GRK3: variants seen among roughly 807,000 people sequenced by gnomAD.
GRK3 encodes the protein adrenergic, beta, receptor kinase 2.
GRK3 carries 54 observed loss-of-function variants against 95.7 expected under a neutral mutation model. The ratio of observed to expected loss-of-function variants is 0.56; its 90% CI spans 0.45 to 0.71. The LOEUF (loss-of-function observed/expected upper bound fraction) is 0.71. Among genes scored for constraint, GRK3 ranks in the 30% least tolerant of loss-of-function variants. The pLI, the probability that GRK3 is intolerant of heterozygous loss-of-function variation, is 0.00. For missense variants in GRK3, 649 were observed against 851.2 expected, an observed-to-expected ratio of 0.76 and a Z score of 2.96; for synonymous variants, 281 against 290.8, an observed-to-expected ratio of 0.97 and a Z score of 0.34.
rs1055168443 is a variant in GRK3 at position 25,727,223 on chromosome 22, T to G, written c.*4773T>G. ...CTAAAGATTTAACATGATTTTTCCC[T>G]CCTATGTAAAGTTTACTGGAGAGAC... On this transcript the variant is annotated 3_prime_UTR_variant, in exon 21 of 21. Coordinates refer to ENST00000324198, the MANE Select transcript of GRK3 (RefSeq NM_005160.4). The G allele has an allele frequency of 1.3e-5, 2 of 152,186 alleles. No homozygotes were observed. Among genetic ancestry groups the G allele is most frequent in the African/African-American group, 4.8e-5 (2 of 41,442 alleles). 9.4% of individuals were successfully genotyped at this position (152,186 alleles called of 1,614,324 possible).
intron 3 of GRK3, among the ~76,000 whole-genome samples, chr22:25,659,838 G>A (rs1359377828): frequency 6.6e-6 from 1 of 152,160 alleles, no homozygotes; most frequent in Non-Finnish European, 1.5e-5. Context: ...ACAGTGTTGT[G>A]GTTCAGAGCA....
chr22:25,586,484 T>G (rs1050155900), intron 1 of GRK3, among the ~76,000 whole-genome samples: 3 of 152,290 alleles, frequency 2.0e-5, no homozygotes, highest in African/African-American at 7.2e-5. Context: ...CCCGTAAATA[T>G]ATCTACCTAC....
At chr22:25,579,277 G>A (rs944537829) in intron 1 of GRK3, among the ~76,000 whole-genome samples, 2 of 150,880 alleles carry the variant, frequency 1.3e-5, no homozygotes, top group African/African-American at 4.9e-5. Context: ...CTCCCACATA[G>A]CTGGGACTAA....
chr22:25,642,744 C>T (rs754968650), intron 2 of GRK3, among the ~76,000 whole-genome samples: 16 of 152,188 alleles, frequency 1.1e-4, no homozygotes, highest in Non-Finnish European at 2.1e-4. Context: ...TGACTGACTT[C>T]ACTTAGGATA....
intron 4 of GRK3, among the ~76,000 whole-genome samples, chr22:25,662,059 C>A (rs2084912973): frequency 6.6e-6 from 1 of 152,170 alleles, no homozygotes; most frequent in African/African-American, 2.4e-5. Flanking sequence ...TAAATGGTCT[C>A]TTTGAATGAA....
chr22:25,687,988 G>A (rs921306492), intron 11 of GRK3, among the ~76,000 whole-genome samples: 7 of 152,150 alleles, frequency 4.6e-5, no homozygotes, highest in Non-Finnish European at 8.8e-5. Context: ...TGTAATCCCA[G>A]CACTTTGGGA....
At chr22:25,663,419 A>G (rs1178908816) in intron 4 of GRK3, among the ~76,000 whole-genome samples, 2 of 152,208 alleles carry the variant, frequency 1.3e-5, no homozygotes, top group African/African-American at 4.8e-5. Context: ...TCTTCTGGGC[A>G]TGTATCTAAG....
intron 10 of GRK3, among the ~76,000 whole-genome samples, chr22:25,686,093 G>A (rs1319238715): frequency 1.3e-4 from 19 of 151,586 alleles, no homozygotes; most frequent in Middle Eastern, 6.8e-3. Flanking sequence ...GTGGTGGTGG[G>A]CGCCTATAGT....
rs2084942072 is a variant in GRK3 at position 25,666,446 on chromosome 22, T to A, written c.442-1293T>A. 2.6e-5 allele frequency among the ~76,000 whole-genome samples: 4 copies of A among 152,208 alleles called. No homozygotes were observed. The South Asian group carries it at 8.3e-4, about 31-fold the overall frequency. ...CAGGATTTCAGAGCTGGAAGGAACT[T>A]CAGAGAGAGATAATTTAGCTTCCTC... On this transcript the variant is annotated intron_variant, in intron 5 of 20. Coordinates refer to ENST00000324198, the MANE Select transcript of GRK3 (RefSeq NM_005160.4).
rs2085487775 is a variant in GRK3, at chr22:25,727,982, T to C, written c.*5532T>C. On this transcript the variant is annotated 3_prime_UTR_variant, in exon 21 of 21. Coordinates refer to ENST00000324198, the MANE Select transcript of GRK3 (RefSeq NM_005160.4). ...GGATAGCATAAAGATCACTGAACTA[T>C]ATATATATAAGAAACAAGAGTTCTA... The C allele has an allele frequency of 6.6e-6, 1 of 152,130 alleles. No homozygotes were observed. The highest frequency in any genetic ancestry group is 2.4e-5 in the African/African-American group (1 of 41,440). The allele number at this position is 152,130 out of a possible 1,614,324, so 9.4% of individuals were successfully genotyped here.
intron 3 of GRK3, among the ~76,000 whole-genome samples, chr22:25,645,521 T>C (rs1445765046): frequency 6.6e-6 from 1 of 152,058 alleles, no homozygotes; most frequent in Non-Finnish European, 1.5e-5. Flanking sequence ...CTGAGTGGGG[T>C]GGGAGGCCAA....
chr22:25,570,809 T>C (rs911659036), intron 1 of GRK3, among the ~76,000 whole-genome samples: 1 of 152,192 alleles, frequency 6.6e-6, no homozygotes, highest in Non-Finnish European at 1.5e-5. Flanking sequence ...GGGCCCTTTT[T>C]GATTGCTCTA....
chr22:25,610,794 G>A (rs2084491009), intron 2 of GRK3, among the ~76,000 whole-genome samples: 1 of 152,154 alleles, frequency 6.6e-6, no homozygotes, highest in South Asian at 2.1e-4. Flanking sequence ...CCATGTCGTT[G>A]TGTGTATCTG....
intron 2 of GRK3, among the ~76,000 whole-genome samples, chr22:25,633,376 T>G (rs2084677731): frequency 6.6e-6 from 1 of 152,198 alleles, no homozygotes; most frequent in Non-Finnish European, 1.5e-5. Flanking sequence ...GTTAAGTGTA[T>G]AGATTGATTT....
intron 4 of GRK3, among the ~76,000 whole-genome samples, chr22:25,662,926 C>T (rs566319598): frequency 1.6e-4 from 25 of 152,088 alleles, no homozygotes; most frequent in African/African-American, 5.8e-4. Context: ...TTTTTTTCCC[C>T]CTAGTTCCCC....
At chr22:25,706,902 A>G (rs1238259636) in intron 15 of GRK3, among the ~76,000 whole-genome samples, 1 of 152,034 alleles carries the variant, frequency 6.6e-6, no homozygotes, top group African/African-American at 2.4e-5. Context: ...AGCTCACTCC[A>G]GCTCCAAACT....
At chr22:25,709,733 G>A (rs906370535) in intron 15 of GRK3, among the ~76,000 whole-genome samples, 165 bp from the exon 16 acceptor site, 19 of 152,154 alleles carry the variant, frequency 1.2e-4, no homozygotes, top group African/African-American at 3.9e-4. Flanking sequence ...TCTAAACATC[G>A]TAGCATTCCT....
At chr22:25,647,296 C>T in intron 3 of GRK3, 1 of 1,170,502 alleles carries the variant, frequency 8.5e-7, no homozygotes, top group Non-Finnish European at 1.3e-6. Flanking sequence ...AACAAAAGTC[C>T]AGCCATTAAA....
At chr22:25,578,602 C>T (rs1417442458) in intron 1 of GRK3, among the ~76,000 whole-genome samples, 3 of 152,020 alleles carry the variant, frequency 2.0e-5, no homozygotes, top group East Asian at 1.9e-4. Flanking sequence ...CTAGTGTTAC[C>T]GCCAGGGAGG....
Sources: gnomAD v4.1 joint callset for allele counts (sites outside exome capture counted in the v4.1 genomes callset) on GRCh38, gnomAD v4.1.1 for gene constraint, MANE v1.5 for transcripts, NCBI Gene and HGNC (gene_info 2026-07-23, HGNC 2026-07-21) for gene names.